TENT4B: variants seen among roughly 807,000 people sequenced by gnomAD.
TENT4B encodes terminal nucleotidyltransferase 4B, also known as PAP associated domain containing 5.
In TENT4B, 10 loss-of-function variants were observed where a neutral mutation model predicts 75.0. That is an observed-to-expected ratio of 0.13 (90% CI 0.08 to 0.23). The LOEUF (loss-of-function observed/expected upper bound fraction) is 0.23. Ranked by LOEUF, TENT4B falls within the 10% of genes least tolerant of loss-of-function variation. The pLI is 1.00. For synonymous variants in TENT4B, 350 were observed against 357.7 expected (o/e 0.98, Z 0.24); for missense variants, 579 against 893.8 (o/e 0.65, Z 4.49).
chr16:50,163,812 TA>T (rs2038046703), intron 1 of TENT4B, among the ~76,000 whole-genome samples: 1 of 152,194 alleles, frequency 6.6e-6, no homozygotes, highest in African/African-American at 2.4e-5. Flanking sequence ...ACTGTGGGAA[TA>T]ATTTTAATGT....
chr16:50,212,969 C>T (rs1253213031), intron 2 of TENT4B, among the ~76,000 whole-genome samples: 1 of 152,148 alleles, frequency 6.6e-6, no homozygotes, highest in Non-Finnish European at 1.5e-5. Context: ...AGCCAGGCAG[C>T]CATCATCTGT....
At chr16:50,198,803 A>G (rs2030449303) in intron 1 of TENT4B, among the ~76,000 whole-genome samples, 1 of 152,238 alleles carries the variant, frequency 6.6e-6, no homozygotes, top group Non-Finnish European at 1.5e-5. Flanking sequence ...TGAATTTTAA[A>G]GGGTAATCTG....
intron 5 of TENT4B, among the ~76,000 whole-genome samples, chr16:50,220,237 C>T (rs1229231264): frequency 6.6e-6 from 1 of 152,134 alleles, no homozygotes; most frequent in East Asian, 1.9e-4. Flanking sequence ...ATCCGCCCTC[C>T]TCAGCCTCCC....
Position 50,153,555 on chromosome 16 carries a change from T to C in TENT4B, c.-67T>C, listed in dbSNP as rs1486158026. Reference sequence around the variant, plus strand: ...CAGCAGCCGAGGCCGGGCGTGCGCCTGAGGCGGCGGCGGCGGCGGCCCTGC... The same window carrying C: ...CAGCAGCCGAGGCCGGGCGTGCGCCCGAGGCGGCGGCGGCGGCGGCCCTGC... On this transcript the variant is annotated 5_prime_UTR_variant, in exon 1 of 12. Transcript: ENST00000561678. 1.0e-6 allele frequency: 1 copy of C among 959,638 alleles called. No individual in the cohort carries two copies. The highest frequency in any genetic ancestry group is 1.2e-6 in the Non-Finnish European group (1 of 822,146). 59.4% of individuals were successfully genotyped at this position (959,638 alleles called of 1,614,324 possible).
At chr16:50,223,454 T>G in intron 7 of TENT4B, 67 bp downstream of exon 7, 1 of 1,033,320 alleles carries the variant, frequency 9.7e-7, no homozygotes. Context: ...TATTATACTT[T>G]AAATTCTCTT....
chr16:50,230,282 C>T lies in TENT4B; in HGVS notation c.*954C>T, dbSNP rs1294182376. 2.9e-5 allele frequency: 28 copies of T among 974,558 alleles called. No individual in the cohort carries two copies. The highest frequency in any genetic ancestry group is 3.3e-5 in the Non-Finnish European group (27 of 827,282). The allele number at this position is 974,558 out of a possible 1,614,324, so 60.4% of individuals were successfully genotyped here. Reference sequence around the variant, plus strand: ...TCCTTTGCAGTCTTTTTTTTTTCCCCCCATTTCTTCCTAATAGGAAAAAAA... The same window carrying T: ...TCCTTTGCAGTCTTTTTTTTTTCCCTCCATTTCTTCCTAATAGGAAAAAAA... On this transcript the variant is annotated 3_prime_UTR_variant, in exon 12 of 12. Coordinates refer to ENST00000561678, the MANE Select transcript of TENT4B (RefSeq NM_001365324.3).
Position 50,153,478 on chromosome 16 carries a change from G to A in TENT4B, c.-144G>A. ...CTCCCTGCGCGACCGCGCCGCCCGC[G>A]GCGGGCCCCGAGCAGCAGCAGCAGC... On this transcript the variant is annotated 5_prime_UTR_variant, in exon 1 of 12. Transcript: ENST00000561678. The A allele has an allele frequency of 1.0e-6, 1 of 974,974 alleles. No homozygotes were observed. Among genetic ancestry groups the A allele is most frequent in the Non-Finnish European group, 1.2e-6 (1 of 823,726 alleles). 60.4% of individuals were successfully genotyped at this position (974,974 alleles called of 1,614,324 possible). A position where few individuals can be genotyped will look rare whatever the true frequency, so the allele number is the denominator to read the frequency against.
At chr16:50,211,633 C>CATTGG (rs1171166851) in intron 2 of TENT4B, among the ~76,000 whole-genome samples, 187 bp downstream of exon 2, 4 of 152,192 alleles carry the variant, frequency 2.6e-5, no homozygotes, top group Non-Finnish European at 5.9e-5. Context: ...TAACTATTTT[C>CATTGG]ATTGGATTGG....
chr16:50,191,645 C>T (rs1238810185), intron 1 of TENT4B, among the ~76,000 whole-genome samples: 1 of 151,210 alleles, frequency 6.6e-6, no homozygotes, highest in Non-Finnish European at 1.5e-5. Flanking sequence ...ATAGGCCAGG[C>T]GCAGTGGCTC....
rs918980921 is a variant in TENT4B at position 50,233,287 on chromosome 16, A to G, written c.*3959A>G. ...ATCTTGCCTTGGTTTCTGACCCTCA[A>G]GACTCTAGCTACCTGCCATCTTGTC... On this transcript the variant is annotated 3_prime_UTR_variant, in exon 12 of 12. Transcript: ENST00000561678. 23 of 985,296 alleles carry G rather than the reference A, an allele frequency of 2.3e-5. No homozygotes were observed. In the African/African-American group the frequency reaches 3.8e-4, roughly 16 times the overall value. The allele number at this position is 985,296 out of a possible 1,614,324, so 61.0% of individuals were successfully genotyped here. A position where few individuals can be genotyped will look rare whatever the true frequency, so the allele number is the denominator to read the frequency against.
chr16:50,226,531 A>G (rs1596757429), intron 10 of TENT4B, among the ~76,000 whole-genome samples: 1 of 152,026 alleles, frequency 6.6e-6, no homozygotes, highest in East Asian at 1.9e-4. Context: ...TCCCGGGTTC[A>G]TGCCATTCTG....
chr16:50,225,665 G>A (rs4490002), intron 10 of TENT4B, among the ~76,000 whole-genome samples: 115,735 of 151,836 alleles, frequency 0.76, 44,352 homozygotes, highest in Non-Finnish European at 0.79. Flanking sequence ...CCAGACTCCA[G>A]TATTTGTTTA....
At position 50,231,651 on chromosome 16, in the gene TENT4B, G is replaced by GCC; in HGVS notation, c.*2323_*2324insCC. 1 of 985,788 alleles carries GCC rather than the reference G, an allele frequency of 1.0e-6. No homozygotes were observed. The highest frequency in any genetic ancestry group is 1.7e-5 in the African/African-American group (1 of 57,344). The allele number at this position is 985,788 out of a possible 1,614,324, so 61.1% of individuals were successfully genotyped here. A position where few individuals can be genotyped will look rare whatever the true frequency, so the allele number is the denominator to read the frequency against. On this transcript the variant is annotated 3_prime_UTR_variant, in exon 12 of 12. Transcript: ENST00000561678. ...GGAAAATAGTTTTTCCTGTACTGCT[G>GCC]AAGTTTCTTTTTGGTAAACAGTATC...
intron 1 of TENT4B, among the ~76,000 whole-genome samples, chr16:50,209,956 T>C (rs1182623927): frequency 6.6e-6 from 1 of 152,190 alleles, no homozygotes; most frequent in Non-Finnish European, 1.5e-5. Flanking sequence ...AGCTTCCTGC[T>C]CTGGACCCTG....
intron 1 of TENT4B, among the ~76,000 whole-genome samples, chr16:50,202,031 T>C (rs1453961042): frequency 1.3e-5 from 2 of 152,160 alleles, no homozygotes; most frequent in Non-Finnish European, 2.9e-5. Context: ...AAAAAGAAAG[T>C]TGTGATATCT....
intron 1 of TENT4B, among the ~76,000 whole-genome samples, chr16:50,206,286 A>G (rs1439187705): frequency 6.6e-6 from 1 of 152,046 alleles, no homozygotes; most frequent in Non-Finnish European, 1.5e-5. Flanking sequence ...ATGCATATGA[A>G]TGCCTTTTCA....
At chr16:50,184,362 A>G (rs997761302) in intron 1 of TENT4B, among the ~76,000 whole-genome samples, 9 of 152,070 alleles carry the variant, frequency 5.9e-5, no homozygotes, top group Non-Finnish European at 1.2e-4. Flanking sequence ...GTTGTTTTCC[A>G]TTGACTATTA....
At chr16:50,226,427 G>T (rs943134306) in intron 10 of TENT4B, among the ~76,000 whole-genome samples, 3 of 151,362 alleles carry the variant, frequency 2.0e-5, no homozygotes, top group African/African-American at 7.3e-5. Flanking sequence ...ATTTTTTGTT[G>T]TTGTTGTTTT....
chr16:50,214,692 G>A (rs960265165), intron 3 of TENT4B, among the ~76,000 whole-genome samples: 2 of 152,088 alleles, frequency 1.3e-5, no homozygotes, highest in East Asian at 3.8e-4. Context: ...GGATTTACCA[G>A]CATTTAATTT....
Sources: allele counts gnomAD v4.1 joint callset (sites outside exome capture counted in the v4.1 genomes callset), GRCh38; gene constraint gnomAD v4.1.1; transcripts MANE v1.5; gene names NCBI Gene and HGNC (gene_info 2026-07-23, HGNC 2026-07-21).